Variants in OLFM1 observed in about 807,000 individuals in gnomAD.
The protein encoded by OLFM1 is noelin.
A neutral mutation model predicts 49.7 loss-of-function variants in OLFM1; 9 were observed. The ratio of observed to expected loss-of-function variants is 0.18; its 90% CI spans 0.11 to 0.32. OLFM1 has a LOEUF of 0.32. Ranked by LOEUF, OLFM1 falls within the 10% of genes least tolerant of loss-of-function variation. The pLI, the probability that OLFM1 is intolerant of heterozygous loss-of-function variation, is 1.00. For synonymous variants in OLFM1, 240 were observed against 271.8 expected (o/e 0.88, Z 1.15); for missense variants, 369 against 661.8 (o/e 0.56, Z 4.85).
chr9:135,089,644 C>G (rs887266808), intron 1 of OLFM1, among the ~76,000 whole-genome samples: 4 of 152,194 alleles, frequency 2.6e-5, no homozygotes, highest in Non-Finnish European at 1.5e-5. Context: ...GTTGCTGTAG[C>G]TCGGGGTTCA....
chr9:135,089,954 G>A (rs998893489), intron 1 of OLFM1, among the ~76,000 whole-genome samples: 2 of 152,174 alleles, frequency 1.3e-5, no homozygotes, highest in African/African-American at 4.8e-5. Context: ...TTTTAAGAAC[G>A]TAAAGGGTCT....
At chr9:135,108,225 T>G (rs1378337030) in intron 5 of OLFM1, among the ~76,000 whole-genome samples, 3 of 152,354 alleles carry the variant, frequency 2.0e-5, no homozygotes, top group African/African-American at 2.4e-5. Context: ...CACTCTTTTA[T>G]TCCACATCCC....
chr9:135,103,705 G>A (rs1236488189), intron 4 of OLFM1, among the ~76,000 whole-genome samples: 3 of 152,120 alleles, frequency 2.0e-5, no homozygotes, highest in South Asian at 2.1e-4. Context: ...TGAAGACCAC[G>A]TCCACTTGGG....
intron 4 of OLFM1, 79 bp from the exon 5 acceptor site, chr9:135,106,670 C>T (rs758484794): frequency 3.7e-5 from 40 of 1,071,036 alleles, no homozygotes; most frequent in Non-Finnish European, 4.7e-5. Context: ...CACGTGTGCT[C>T]TGGGCAGTCG....
At position 135,110,644 on chromosome 9, in the gene OLFM1, C is replaced by G. The variant is rs78561757; in HGVS notation, c.783+3789C>G. 6.9e-3 allele frequency among the ~76,000 whole-genome samples: 1,055 copies of G among 152,314 alleles called. 8 individuals carry two copies. Among genetic ancestry groups the G allele is most frequent in the African/African-American group, 0.024 (1,001 of 41,562 alleles). On this transcript the variant is annotated intron_variant, in intron 5 of 5. Transcript: ENST00000371793. The stretch of plus-strand genomic sequence containing the variant: ...GTGCAATAAACATCAACGCCCCTTC[C>G]AGTCACTTCTCAGTGTGAGGAGGGA...
At chr9:135,097,916 C>A (rs1830821797) in intron 3 of OLFM1, 2 of 1,523,336 alleles carry the variant, frequency 1.3e-6, no homozygotes, top group Admixed American at 2.1e-5. Flanking sequence ...AGCACCATTT[C>A]ACTAAGGAAC....
At chr9:135,110,468 C>T (rs191627417) in intron 5 of OLFM1, among the ~76,000 whole-genome samples, 117 of 152,292 alleles carry the variant, frequency 7.7e-4, no homozygotes, top group Non-Finnish European at 2.4e-4. Context: ...CTTAGCTTAG[C>T]GTTTCAAAGT....
At chr9:135,103,996 C>T (rs922270272) in intron 4 of OLFM1, among the ~76,000 whole-genome samples, 1 of 152,148 alleles carries the variant, frequency 6.6e-6, no homozygotes, top group African/African-American at 2.4e-5. Context: ...ATGAGTCATT[C>T]GTTCATTCAT....
At chr9:135,108,623 G>A (rs1399036683) in intron 5 of OLFM1, among the ~76,000 whole-genome samples, 2 of 151,120 alleles carry the variant, frequency 1.3e-5, no homozygotes, top group Non-Finnish European at 2.9e-5. Context: ...ATAGAGCGAG[G>A]CTCTGTCTCA....
intron 5 of OLFM1, among the ~76,000 whole-genome samples, chr9:135,114,593 G>A (rs1831070834): frequency 1.3e-5 from 2 of 152,002 alleles, no homozygotes; most frequent in African/African-American, 4.8e-5. Context: ...TGTGGCCTGG[G>A]GCAGGGATGG....
Position 135,087,856 on chromosome 9 carries a change from G to T in OLFM1, c.-134G>T. 4.2e-6 allele frequency: 4 copies of T among 959,192 alleles called. No homozygotes were observed. Among genetic ancestry groups the T allele is most frequent in the Non-Finnish European group, 4.9e-6 (4 of 809,030 alleles). 59.4% of individuals were successfully genotyped at this position (959,192 alleles called of 1,614,324 possible). ...GCGGGGCGGCGGCGGCGGCGGGCGG[G>T]CGGCGGCGGGCCGAGGGGGCGCGGG... On this transcript the variant is annotated 5_prime_UTR_variant, in exon 1 of 6. Coordinates refer to ENST00000371793, the MANE Select transcript of OLFM1 (RefSeq NM_001282611.2).
In OLFM1 at chr9:135,088,769, G is replaced by C. The variant is rs1440216335; in HGVS notation, c.150+630G>C. 1.3e-5 allele frequency among the ~76,000 whole-genome samples: 2 copies of C among 152,166 alleles called. No homozygotes were observed. The highest frequency in any genetic ancestry group is 1.3e-4 in the Admixed American group (2 of 15,292). On this transcript the variant is annotated intron_variant, in intron 1 of 5. Coordinates refer to ENST00000371793, the MANE Select transcript of OLFM1 (RefSeq NM_001282611.2). The surrounding 1 kb of genome is among the most constrained non-coding windows in gnomAD (Gnocchi z 4.8). ...GGACGGTGCCGAGGGGCTTGGGTGG[G>C]GCCCCTGGGAGCCTGCCCTTGGGCG...
chr9:135,076,021 G>A, intron 1 of OLFM1: 4 of 1,445,484 alleles, frequency 2.8e-6, no homozygotes, highest in Non-Finnish European at 3.6e-6. Context: ...TCCAGCCCCG[G>A]CTCAGCAGAG....
At chr9:135,086,645 G>GAA, upstream of OLFM1, 1 of 456,090 alleles carries the variant, frequency 2.2e-6, no homozygotes. Context: ...TCTCCGATTA[G>GAA]AAGCCTTCTG....
Position 135,080,111 on chromosome 9 carries a change from C to A in OLFM1, c.96+4309C>A, listed in dbSNP as rs75069410. Among the ~76,000 whole-genome samples the A allele has an allele frequency of 2.0e-5, 3 of 151,620 alleles. No individual in the cohort carries two copies. Among genetic ancestry groups the A allele is most frequent in the Admixed American group, 6.6e-5 (1 of 15,236 alleles). ...CCCTCTGAATCTGTTCCTCATCCCC[C>A]CATTTAGCTCATTCTAGAGCTGAAG... On this transcript the variant is annotated intron_variant, in intron 1 of 5. Transcript: ENST00000252854. This position sits in a 1 kb window ranked among gnomAD's most constrained non-coding sequence, Gnocchi z 4.5.
chr9:135,096,737 T>C (rs1830803802), intron 3 of OLFM1, among the ~76,000 whole-genome samples: 1 of 152,256 alleles, frequency 6.6e-6, no homozygotes, highest in Non-Finnish European at 1.5e-5. Context: ...AGGGCCATTC[T>C]GGAGCAGGAA....
chr9:135,091,864 C>G (rs75431900), intron 2 of OLFM1, among the ~76,000 whole-genome samples: 1 of 89,022 alleles, frequency 1.1e-5, no homozygotes, highest in Non-Finnish European at 2.4e-5. Context: ...GTCACACACA[C>G]TCACACACAG....
chr9:135,088,217 C>A lies in OLFM1; in HGVS notation c.150+78C>A, dbSNP rs919096503. 2.3e-5 allele frequency: 28 copies of A among 1,192,534 alleles called. No individual in the cohort carries two copies. The highest frequency in any genetic ancestry group is 2.8e-5 in the Non-Finnish European group (27 of 953,502). The allele number at this position is 1,192,534 out of a possible 1,614,324, so 73.9% of individuals were successfully genotyped here. A position where few individuals can be genotyped will look rare whatever the true frequency, so the allele number is the denominator to read the frequency against. ...CCCCTCCTCGGTCCGGAGCCCCGGG[C>A]TGGGCGGGCGCCGCGCGGGACCCGA... On this transcript the variant is annotated intron_variant, in intron 1 of 5. Transcript: ENST00000371793. This position sits in a 1 kb window ranked among gnomAD's most constrained non-coding sequence, Gnocchi z 4.8.
chr9:135,111,792 C>G (rs1831026596), intron 5 of OLFM1, among the ~76,000 whole-genome samples: 1 of 152,208 alleles, frequency 6.6e-6, no homozygotes, highest in African/African-American at 2.4e-5. Context: ...TCACTGCAAC[C>G]TCCGCCTCCC....
Sources: gnomAD v4.1 joint callset for allele counts (sites outside exome capture counted in the v4.1 genomes callset) on GRCh38, gnomAD v4.1.1 for gene constraint, Gnocchi (gnomAD v3.1) non-coding constraint, MANE v1.5 for transcripts, NCBI Gene and HGNC (gene_info 2026-07-23, HGNC 2026-07-21) for gene names.